SLC25A13: variants seen among roughly 807,000 people sequenced by gnomAD.
SLC25A13 encodes the protein electrogenic aspartate/glutamate antiporter SLC25A13, mitochondrial.
In SLC25A13, 70 loss-of-function variants were observed where a neutral mutation model predicts 85.5. That is an observed-to-expected ratio of 0.82 (90% CI 0.68 to 1.00). The LOEUF is 1.00. Among genes scored for constraint, SLC25A13 ranks in the 50% least tolerant of loss-of-function variants. The pLI, the probability that SLC25A13 is intolerant of heterozygous loss-of-function variation, is 0.00. For missense variants in SLC25A13, 765 were observed against 819.8 expected, an observed-to-expected ratio of 0.93 and a Z score of 0.82; for synonymous variants, 259 against 288.7, an observed-to-expected ratio of 0.90 and a Z score of 1.04.
chr7:96,300,685 C>G (rs751543883), intron 1 of SLC25A13, among the ~76,000 whole-genome samples: 14 of 152,162 alleles, frequency 9.2e-5, no homozygotes, highest in Non-Finnish European at 1.9e-4. Flanking sequence ...TACCCTACCC[C>G]CAACCCAGAG....
chr7:96,270,950 C>T (rs939516544), intron 3 of SLC25A13, among the ~76,000 whole-genome samples: 1 of 152,130 alleles, frequency 6.6e-6, no homozygotes, highest in African/African-American at 2.4e-5. Flanking sequence ...CCGTCTCTTC[C>T]TCTTCCCTGT....
chr7:96,217,449 G>A (rs80132835), intron 4 of SLC25A13, among the ~76,000 whole-genome samples: 1,836 of 152,264 alleles, frequency 0.012, 34 homozygotes, highest in African/African-American at 0.04. Context: ...TCACAGCAAC[G>A]TTATTCATAA....
intron 4 of SLC25A13, among the ~76,000 whole-genome samples, chr7:96,213,182 G>A (rs75589099): frequency 0.013 from 1,954 of 152,190 alleles, 39 homozygotes; most frequent in African/African-American, 0.045. Context: ...TGGTCTCTAC[G>A]TTTTCCTGCA....
At chr7:96,211,958 A>G (rs1263521712) in intron 4 of SLC25A13, among the ~76,000 whole-genome samples, 2 of 152,260 alleles carry the variant, frequency 1.3e-5, no homozygotes, top group Non-Finnish European at 2.9e-5. Flanking sequence ...TGAAAGCATT[A>G]TCAGGGAGTA....
At chr7:96,123,828 G>A (rs1791617520) in intron 15 of SLC25A13, among the ~76,000 whole-genome samples, 1 of 152,348 alleles carries the variant, frequency 6.6e-6, no homozygotes, top group East Asian at 1.9e-4. Context: ...CCAGAGAGCT[G>A]TTGATTTTGG....
At chr7:96,321,330 A>C (rs1800330962) in intron 1 of SLC25A13, among the ~76,000 whole-genome samples, 1 of 152,190 alleles carries the variant, frequency 6.6e-6, no homozygotes, top group Admixed American at 6.5e-5. Flanking sequence ...AAGTGTTGTC[A>C]GATGGAGAGA....
In SLC25A13 at chr7:96,237,855, A is replaced by G. The variant is rs552355931; in HGVS notation, c.213-2938T>C. ...CACCACCAAAGATAAACAAGAAAAA[A>G]GAAAAAAAGGTAAAAATTGGAAAGA... On this transcript the variant is annotated intron_variant, in intron 3 of 17. Coordinates refer to ENST00000265631, the MANE Select transcript of SLC25A13 (RefSeq NM_014251.3). Among the ~76,000 whole-genome samples, 11 of 152,332 alleles carry G rather than the reference A, an allele frequency of 7.2e-5. No homozygotes were observed. The South Asian group carries it at 1.2e-3, about 17-fold the overall frequency.
intron 15 of SLC25A13, among the ~76,000 whole-genome samples, chr7:96,128,798 A>G (rs1383395298): frequency 2.7e-5 from 4 of 146,740 alleles, no homozygotes; most frequent in Non-Finnish European, 4.5e-5. Context: ...AATAATAATA[A>G]AAGTCAATGC....
At chr7:96,195,204 T>C (rs1452767971) in intron 5 of SLC25A13, among the ~76,000 whole-genome samples, 1 of 152,082 alleles carries the variant, frequency 6.6e-6, no homozygotes, top group Non-Finnish European at 1.5e-5. Context: ...ATATTGTAGA[T>C]CCCCCAACCC....
intron 14 of SLC25A13, among the ~76,000 whole-genome samples, chr7:96,139,945 C>CT (rs59749381): frequency 0.012 from 1,075 of 86,274 alleles, 132 homozygotes; most frequent in Non-Finnish European, 0.015. Context: ...GATTTCCATT[C>CT]TTTTTTTTTT....
rs554159099 is a variant in SLC25A13, at chr7:96,312,435, G to A, written c.15+9507C>T. Among the ~76,000 whole-genome samples the A allele has an allele frequency of 8.5e-5, 13 of 152,196 alleles. No individual in the cohort carries two copies. In the South Asian group the frequency reaches 2.1e-3, roughly 24 times the overall value. The stretch of plus-strand genomic sequence containing the variant: ...ATTATTATTTGCATAACCTTTTTGA[G>A]CCTTAGGTTTCTTTATCTGACAAAT... On this transcript the variant is annotated intron_variant, in intron 1 of 17. Coordinates refer to ENST00000265631, the MANE Select transcript of SLC25A13 (RefSeq NM_014251.3).
chr7:96,321,830 C>A, intron 1 of SLC25A13, 112 bp downstream of exon 1: 1 of 1,330,814 alleles, frequency 7.5e-7, no homozygotes, highest in Admixed American at 2.9e-5. Flanking sequence ...CTGCCCGGCA[C>A]CCCATTTTGC....
At chr7:96,228,728 C>T (rs934163949) in intron 4 of SLC25A13, among the ~76,000 whole-genome samples, 1 of 152,110 alleles carries the variant, frequency 6.6e-6, no homozygotes. Flanking sequence ...GGGCAGGAAC[C>T]GTGGCTGCCC....
chr7:96,317,728 T>G (rs895639290), intron 1 of SLC25A13, among the ~76,000 whole-genome samples: 2 of 152,084 alleles, frequency 1.3e-5, no homozygotes, highest in Admixed American at 6.5e-5. Flanking sequence ...TTGGTTTTCT[T>G]GAACATCAAA....
chr7:96,196,004 T>C (rs1795046999), intron 5 of SLC25A13, among the ~76,000 whole-genome samples: 1 of 152,238 alleles, frequency 6.6e-6, no homozygotes, highest in Non-Finnish European at 1.5e-5. Flanking sequence ...AAGCATCTAC[T>C]TACATTTATA....
chr7:96,157,487 T>C (rs909084599), intron 13 of SLC25A13, among the ~76,000 whole-genome samples: 2 of 152,186 alleles, frequency 1.3e-5, no homozygotes, highest in African/African-American at 4.8e-5. Context: ...AGGGAAGTGA[T>C]ATAGCTATTT....
intron 3 of SLC25A13, among the ~76,000 whole-genome samples, chr7:96,274,319 T>A (rs1267386687): frequency 6.6e-6 from 1 of 152,232 alleles, no homozygotes; most frequent in Non-Finnish European, 1.5e-5. Context: ...TTGAGAAGTG[T>A]CTGTTCATAT....
At chr7:96,147,509 C>T (rs889649537) in intron 13 of SLC25A13, among the ~76,000 whole-genome samples, 1 of 152,214 alleles carries the variant, frequency 6.6e-6, no homozygotes. Context: ...TTTAAGCTAG[C>T]TATTTTGAAG....
intron 13 of SLC25A13, among the ~76,000 whole-genome samples, chr7:96,160,408 G>T (rs943810395): frequency 9.9e-5 from 15 of 152,202 alleles, no homozygotes; most frequent in African/African-American, 3.6e-4. Context: ...GTCTGTTCGG[G>T]CTTCTGTAAC....
Sources: allele counts gnomAD v4.1 joint callset (sites outside exome capture counted in the v4.1 genomes callset), GRCh38; gene constraint gnomAD v4.1.1; transcripts MANE v1.5; gene names NCBI Gene and HGNC (gene_info 2026-07-23, HGNC 2026-07-21).